CPEB3: variants seen among roughly 807,000 people sequenced by gnomAD.
CPEB3 encodes the protein cytoplasmic polyadenylation element binding protein 3, also known as cytoplasmic polyadenylation element-binding protein 3.
CPEB3 carries 20 observed loss-of-function variants against 67.2 expected under a neutral mutation model. That is an observed-to-expected ratio of 0.30 (90% CI 0.21 to 0.43). The LOEUF is 0.43. Among genes scored for constraint, CPEB3 ranks in the 20% least tolerant of loss-of-function variants. The pLI is 1.00. For missense variants in CPEB3, 746 were observed against 968.6 expected (o/e 0.77, Z 3.05); for synonymous variants, 376 against 393.1 (o/e 0.96, Z 0.51).
intron 7 of CPEB3, among the ~76,000 whole-genome samples, chr10:92,101,384 G>T (rs1030819491): frequency 6.6e-6 from 1 of 151,844 alleles, no homozygotes; most frequent in African/African-American, 2.4e-5. Context: ...ACATAAATTG[G>T]AAAAACAATA....
intron 3 of CPEB3, among the ~76,000 whole-genome samples, chr10:92,183,716 T>G (rs1457284881): frequency 6.6e-6 from 1 of 152,158 alleles, no homozygotes. Context: ...ATATGGAGGA[T>G]CTTTTCAAAC....
At chr10:92,236,617 C>T (rs926140167) in intron 2 of CPEB3, among the ~76,000 whole-genome samples, 2 of 152,004 alleles carry the variant, frequency 1.3e-5, no homozygotes, top group African/African-American at 4.8e-5. Context: ...GGCGTGGTGG[C>T]GGACGCCTGT....
At chr10:92,101,030 A>G (rs1025969305) in intron 7 of CPEB3, among the ~76,000 whole-genome samples, 2 of 152,222 alleles carry the variant, frequency 1.3e-5, no homozygotes, top group African/African-American at 2.4e-5. Context: ...CATTTTTAAC[A>G]TCTCACTCTG....
intron 4 of CPEB3, among the ~76,000 whole-genome samples, chr10:92,165,403 C>CTTT (rs34205234): frequency 4.3e-4 from 52 of 121,436 alleles, no homozygotes; most frequent in Non-Finnish European, 5.3e-4. Flanking sequence ...CTTTTTTCTT[C>CTTT]TTTTTTTTTT....
chr10:92,239,982 G>A lies in CPEB3; in HGVS notation c.369C>T (p.Phe123=). The change falls in exon 2 of 10, where the codon TTC becomes TTT. Residue 123 remains phenylalanine (F), a synonymous_variant. Transcript: ENST00000265997. This position sits in a 1 kb window ranked among gnomAD's most constrained non-coding sequence, Gnocchi z 6.0. ...TGTTNAVEDS[F]FQGITPVNGT... ...CGTTGACTGGGGTGATCCCCTGGAA[G>A]AAGCTGTCCTCTACCGCGTTGGTGG... 1 of 1,612,760 alleles carries A rather than the reference G, an allele frequency of 6.2e-7. No individual in the cohort carries two copies. The highest frequency in any genetic ancestry group is 8.5e-7 in the Non-Finnish European group (1 of 1,179,418).
At chr10:92,131,227 T>G (rs2133715015) in intron 6 of CPEB3, among the ~76,000 whole-genome samples, 1 of 152,290 alleles carries the variant, frequency 6.6e-6, no homozygotes, top group South Asian at 2.1e-4. Context: ...CTCTCACTGG[T>G]CCATCTCAAC....
chr10:92,145,381 C>A (rs1392135556), intron 4 of CPEB3, among the ~76,000 whole-genome samples: 5 of 152,096 alleles, frequency 3.3e-5, no homozygotes, highest in Non-Finnish European at 7.4e-5. Context: ...GTAATCCCAG[C>A]ACTTTGGGAG....
At chr10:92,235,317 G>A (rs1399057647) in intron 2 of CPEB3, among the ~76,000 whole-genome samples, 3 of 152,074 alleles carry the variant, frequency 2.0e-5, no homozygotes, top group African/African-American at 4.8e-5. Context: ...GTGGTGGCGG[G>A]CACCTGTAAT....
chr10:92,088,360 G>A (rs144421835), intron 8 of CPEB3, among the ~76,000 whole-genome samples: 99 of 151,654 alleles, frequency 6.5e-4, no homozygotes, highest in African/African-American at 2.3e-3. Context: ...CCAAGTAGCT[G>A]GAACTACAGG....
intron 1 of CPEB3, among the ~76,000 whole-genome samples, chr10:92,283,284 C>T (rs776311256): frequency 1.3e-5 from 2 of 151,990 alleles, no homozygotes; most frequent in Non-Finnish European, 2.9e-5. Flanking sequence ...CTAAATCACC[C>T]TCACCTTTAC....
At chr10:92,169,329 G>T (rs144736971) in intron 4 of CPEB3, among the ~76,000 whole-genome samples, 3 of 152,174 alleles carry the variant, frequency 2.0e-5, no homozygotes, top group African/African-American at 4.8e-5. Flanking sequence ...AGTAAAGACA[G>T]GGTTTCGTCA....
chr10:92,144,668 C>G (rs986900246), intron 5 of CPEB3, among the ~76,000 whole-genome samples: 2 of 152,126 alleles, frequency 1.3e-5, no homozygotes, highest in Non-Finnish European at 2.9e-5. Context: ...GCTATATAAC[C>G]CTGAACAAAT....
chr10:92,154,031 T>A (rs1164122044), intron 4 of CPEB3, among the ~76,000 whole-genome samples: 1 of 152,214 alleles, frequency 6.6e-6, no homozygotes, highest in Non-Finnish European at 1.5e-5. Context: ...ACATCAAAAA[T>A]ACTGGCATAG....
At chr10:92,168,791 C>CT (rs748498383) in intron 4 of CPEB3, among the ~76,000 whole-genome samples, 19,489 of 118,384 alleles carry the variant, frequency 0.16, 2,420 homozygotes, top group African/African-American at 0.28. Context: ...ACCTCTTGCC[C>CT]TTTTTTTTTT....
chr10:92,227,584 A>C (rs963843017), intron 2 of CPEB3, among the ~76,000 whole-genome samples: 3 of 150,774 alleles, frequency 2.0e-5, no homozygotes. Context: ...TTATTTACTT[A>C]TTTTATTTTT....
intron 1 of CPEB3, among the ~76,000 whole-genome samples, chr10:92,276,959 T>C (rs898097789): frequency 6.6e-6 from 1 of 152,228 alleles, no homozygotes; most frequent in Non-Finnish European, 1.5e-5. Context: ...TCTTTTCACA[T>C]GCTTATTGGC....
intron 2 of CPEB3, among the ~76,000 whole-genome samples, chr10:92,194,888 CA>C (rs1445090470): frequency 5.3e-5 from 8 of 151,848 alleles, no homozygotes; most frequent in Non-Finnish European, 1.0e-4. Context: ...AAAAAATATA[CA>C]AAAAATTAGC....
intron 8 of CPEB3, among the ~76,000 whole-genome samples, chr10:92,083,370 T>G (rs1843234863): frequency 6.6e-6 from 1 of 152,230 alleles, no homozygotes; most frequent in African/African-American, 2.4e-5. Flanking sequence ...AAGTTGATGC[T>G]GACTGCAGTC....
At chr10:92,170,372 A>G (rs2134013387) in intron 4 of CPEB3, among the ~76,000 whole-genome samples, 1 of 152,366 alleles carries the variant, frequency 6.6e-6, no homozygotes, top group East Asian at 1.9e-4. Flanking sequence ...CAAAACAGAA[A>G]AAGATAATTA....
Sources: allele counts gnomAD v4.1 joint callset (sites outside exome capture counted in the v4.1 genomes callset), GRCh38; gene constraint gnomAD v4.1.1; non-coding constraint Gnocchi (gnomAD v3.1); transcripts MANE v1.5; gene names NCBI Gene and HGNC (gene_info 2026-07-23, HGNC 2026-07-21).